The following GPC6 variants were observed in gnomAD, a reference collection of about 807,000 sequenced individuals.
GPC6 encodes glypican-6.
Under a neutral mutation model 55.2 loss-of-function variants are expected in GPC6, and 14 were observed. The ratio of observed to expected loss-of-function variants is 0.25; its 90% CI spans 0.17 to 0.40. The LOEUF (loss-of-function observed/expected upper bound fraction) is 0.40, where lower values mean the gene tolerates loss of function less well. Among genes scored for constraint, GPC6 ranks in the 10% least tolerant of loss-of-function variants. GPC6 has a pLI of 1.00. For missense variants in GPC6, 641 were observed against 708.5 expected (o/e 0.90, Z 1.08); for synonymous variants, 278 against 259.6 (o/e 1.07, Z -0.68).
intron 6 of GPC6, among the ~76,000 whole-genome samples, chr13:94,353,588 T>TAC (rs367731617): frequency 0.022 from 3,401 of 151,422 alleles, 112 homozygotes; most frequent in African/African-American, 0.076. Context: ...TATATATATA[T>TAC]ACACACACAC....
At chr13:93,444,324 G>A (rs557903959) in intron 1 of GPC6, among the ~76,000 whole-genome samples, 8 of 150,712 alleles carry the variant, frequency 5.3e-5, no homozygotes, top group East Asian at 2.0e-4. Flanking sequence ...TCATCATCAC[G>A]CTACCCTGGC....
chr13:93,686,151 C>T (rs902628644), intron 2 of GPC6, among the ~76,000 whole-genome samples: 32 of 151,848 alleles, frequency 2.1e-4, no homozygotes, highest in African/African-American at 7.5e-4. Flanking sequence ...TCTTTATATC[C>T]CCCATGATTT....
chr13:94,148,286 G>A (rs1270157029), intron 4 of GPC6, among the ~76,000 whole-genome samples: 1 of 152,102 alleles, frequency 6.6e-6, no homozygotes, highest in Admixed American at 6.5e-5. Flanking sequence ...AGTCATCTTG[G>A]AAACACTGCT....
chr13:94,142,892 G>A (rs988318968), intron 4 of GPC6, among the ~76,000 whole-genome samples: 7 of 150,940 alleles, frequency 4.6e-5, no homozygotes, highest in South Asian at 2.1e-4. Context: ...GCAGTGGCAC[G>A]ATCGCGGCTT....
intron 4 of GPC6, among the ~76,000 whole-genome samples, chr13:94,142,483 C>T (rs2138882351): frequency 6.6e-6 from 1 of 152,286 alleles, no homozygotes; most frequent in East Asian, 1.9e-4. Context: ...TCTCACAATT[C>T]AGTTAACACC....
At chr13:93,863,867 C>T (rs1400824259) in intron 3 of GPC6, among the ~76,000 whole-genome samples, 1 of 151,704 alleles carries the variant, frequency 6.6e-6, no homozygotes, top group Non-Finnish European at 1.5e-5. Flanking sequence ...AAAGATACAG[C>T]AGTCTGCTGG....
At chr13:93,875,117 G>A (rs996921) in intron 3 of GPC6, among the ~76,000 whole-genome samples, 33,454 of 151,772 alleles carry the variant, frequency 0.22, 4,556 homozygotes, top group Non-Finnish European at 0.29. Flanking sequence ...ATTCCAGAGC[G>A]CATCAGAATA....
intron 4 of GPC6, among the ~76,000 whole-genome samples, chr13:94,083,218 T>A (rs1594722113): frequency 6.6e-6 from 1 of 152,100 alleles, no homozygotes; most frequent in South Asian, 2.1e-4. Flanking sequence ...TCCCTGGTAC[T>A]TGCCATTCTC....
intron 3 of GPC6, among the ~76,000 whole-genome samples, chr13:93,904,955 T>G (rs1876561360): frequency 8.4e-6 from 1 of 119,544 alleles, no homozygotes; most frequent in Admixed American, 1.1e-4. Flanking sequence ...GTCCCCAGAG[T>G]GTGATGTTCC....
intron 1 of GPC6, among the ~76,000 whole-genome samples, chr13:93,446,625 A>G (rs1878014648): frequency 6.6e-6 from 1 of 152,128 alleles, no homozygotes; most frequent in Admixed American, 6.6e-5. Flanking sequence ...GATTCTCCTC[A>G]GTTATTTTGT....
chr13:93,286,136 T>C (rs1355088145), intron 1 of GPC6, among the ~76,000 whole-genome samples: 1 of 152,058 alleles, frequency 6.6e-6, no homozygotes. Flanking sequence ...TGGGGAGGCC[T>C]CAGGAAACTT....
chr13:93,258,374 G>A (rs1877026544), intron 1 of GPC6, among the ~76,000 whole-genome samples: 2 of 152,160 alleles, frequency 1.3e-5, no homozygotes, highest in African/African-American at 2.4e-5. Flanking sequence ...ATCCAGTGCT[G>A]AGGGTCAGGA....
chr13:94,373,272 C>T (rs372554246), intron 6 of GPC6, among the ~76,000 whole-genome samples: 133 of 151,320 alleles, frequency 8.8e-4, no homozygotes, highest in Admixed American at 2.5e-3. Flanking sequence ...CTCTGAGCTA[C>T]GGGAGGACAT....
At chr13:93,601,212 C>T (rs1033663209) in intron 2 of GPC6, among the ~76,000 whole-genome samples, 16 of 151,544 alleles carry the variant, frequency 1.1e-4, no homozygotes, top group Admixed American at 2.6e-4. Context: ...AGAGAAACCT[C>T]GTCTCTACTG....
chr13:93,250,549 A>C (rs936866722), intron 1 of GPC6, among the ~76,000 whole-genome samples: 6 of 152,156 alleles, frequency 3.9e-5, no homozygotes, highest in Non-Finnish European at 8.8e-5. Flanking sequence ...ATCACTTGGC[A>C]TGGGGGGACC....
chr13:93,403,695 C>G (rs1876179187), intron 1 of GPC6, among the ~76,000 whole-genome samples: 1 of 152,120 alleles, frequency 6.6e-6, no homozygotes, highest in Non-Finnish European at 1.5e-5. Context: ...TCTTGGTTTT[C>G]TAGTCCAGCT....
intron 1 of GPC6, among the ~76,000 whole-genome samples, chr13:93,295,223 T>C (rs67667167): frequency 0.13 from 18,107 of 136,888 alleles, 1,262 homozygotes; most frequent in East Asian, 0.35. Context: ...CAAGAGAGGT[T>C]GAGGATGCAG....
At chr13:93,549,934 A>G (rs1875050488) in intron 2 of GPC6, among the ~76,000 whole-genome samples, 1 of 152,170 alleles carries the variant, frequency 6.6e-6, no homozygotes, top group Non-Finnish European at 1.5e-5. Context: ...TAGGAAGTCA[A>G]TACTTGGTTG....
chr13:93,896,631 C>G (rs1471217932), intron 3 of GPC6, among the ~76,000 whole-genome samples: 1 of 152,028 alleles, frequency 6.6e-6, no homozygotes, highest in Non-Finnish European at 1.5e-5. Flanking sequence ...ACAAAATTAT[C>G]ATTTAAGTTG....
Sources: gnomAD v4.1 joint callset for allele counts (sites outside exome capture counted in the v4.1 genomes callset) on GRCh38, gnomAD v4.1.1 for gene constraint, MANE v1.5 for transcripts, NCBI Gene and HGNC (gene_info 2026-07-23, HGNC 2026-07-21) for gene names.